LPCAT2: variants seen among roughly 807,000 people sequenced by gnomAD.
LPCAT2 encodes lysophosphatidylcholine acyltransferase 2.
A neutral mutation model predicts 64.7 loss-of-function variants in LPCAT2; 58 were observed. The ratio of observed to expected loss-of-function variants is 0.90; its 90% CI spans 0.73 to 1.12. The LOEUF is 1.12. Ranked by LOEUF, LPCAT2 falls within the 50% of genes most tolerant of loss-of-function variation. The pLI is 0.00. For missense variants in LPCAT2, 579 were observed against 669.8 expected (o/e 0.86, Z 1.50); for synonymous variants, 252 against 245.3 (o/e 1.03, Z -0.26).
chr16:55,582,155 C>T (rs1006497967), intron 13 of LPCAT2, among the ~76,000 whole-genome samples: 6 of 152,026 alleles, frequency 3.9e-5, no homozygotes, highest in Non-Finnish European at 7.4e-5. Flanking sequence ...TAAAGCACAA[C>T]GAAGTTTTAT....
chr16:55,523,069 TA>T (rs1464243679), intron 1 of LPCAT2, among the ~76,000 whole-genome samples: 2 of 151,834 alleles, frequency 1.3e-5, no homozygotes, highest in Non-Finnish European at 3.0e-5. Flanking sequence ...AGGGCTTGTA[TA>T]CATTTATATA....
chr16:55,540,943 G>A (rs2142391186), intron 8 of LPCAT2: 1 of 152,590 alleles, frequency 6.6e-6, no homozygotes, highest in African/African-American at 2.4e-5. Context: ...TGTGAATGTG[G>A]TCTCTCTCTC....
intron 11 of LPCAT2, among the ~76,000 whole-genome samples, chr16:55,560,597 T>C (rs957907815): frequency 6.6e-6 from 1 of 152,104 alleles, no homozygotes; most frequent in African/African-American, 2.4e-5. Context: ...ACAAGAATGA[T>C]GTTGCTGTCA....
At chr16:55,520,066 T>G (rs1963073626) in intron 1 of LPCAT2, among the ~76,000 whole-genome samples, 2 of 152,178 alleles carry the variant, frequency 1.3e-5, no homozygotes, top group African/African-American at 2.4e-5. Context: ...TAATTACATT[T>G]AGTATACATT....
rs1266544419 is a variant in LPCAT2 at position 55,586,560 on chromosome 16, A to C, written c.*3462A>C. On this transcript the variant is annotated 3_prime_UTR_variant, in exon 14 of 14. Transcript: ENST00000262134. Reference sequence around the variant, plus strand: ...TTCTTACATTTTCCAATGTCATTAAAATTCTCTGTGAATGTAAATTTTAAA... The same window carrying C: ...TTCTTACATTTTCCAATGTCATTAACATTCTCTGTGAATGTAAATTTTAAA... 1 of 127,092 alleles carries C rather than the reference A, an allele frequency of 7.9e-6. No homozygotes were observed. The highest frequency in any genetic ancestry group is 1.5e-5 in the Non-Finnish European group (1 of 67,452). The allele number at this position is 127,092 out of a possible 1,614,324, so 7.9% of individuals were successfully genotyped here.
At chr16:55,579,610 A>G (rs1502007) in intron 13 of LPCAT2, among the ~76,000 whole-genome samples, 95,105 of 152,030 alleles carry the variant, frequency 0.63, 31,590 homozygotes, top group African/African-American at 0.86. Context: ...AAACAGTTTG[A>G]CTTTGGAGCC....
At chr16:55,547,142 C>T (rs1963462688) in intron 9 of LPCAT2, among the ~76,000 whole-genome samples, 1 of 149,758 alleles carries the variant, frequency 6.7e-6, no homozygotes, top group Non-Finnish European at 1.5e-5. Flanking sequence ...AGTGAAACTC[C>T]GTCTCAAAAA....
At position 55,521,529 on chromosome 16, in the gene LPCAT2, G is replaced by T. The variant is rs189299267; in HGVS notation, c.172-3979G>T. On this transcript the variant is annotated intron_variant, in intron 1 of 13. Coordinates refer to ENST00000262134, the MANE Select transcript of LPCAT2 (RefSeq NM_017839.5). The stretch of plus-strand genomic sequence containing the variant: ...ATCTGAAAAAGACATTATAAGAAAA[G>T]AAAATTATAGATCAATATTCCTCAT... 1.8e-3 allele frequency among the ~76,000 whole-genome samples: 278 copies of T among 151,646 alleles called. 2 individuals carry two copies. The highest frequency in any genetic ancestry group is 6.2e-4 in the Non-Finnish European group (42 of 67,566).
Position 55,531,900 on chromosome 16 carries a change from C to A in LPCAT2, c.643-14C>A. ...ATTAGATTGAAATATTAAATCTATT[C>A]CTTTTTTCCCAAGATACTAGTTTTC... On this transcript the variant is annotated splice_polypyrimidine_tract_variant and intron_variant, in intron 4 of 13. Transcript: ENST00000262134. 1 of 1,508,338 alleles carries A rather than the reference C, an allele frequency of 6.6e-7. No individual in the cohort carries two copies. The highest frequency in any genetic ancestry group is 1.1e-5 in the South Asian group (1 of 87,846). 93.4% of individuals were successfully genotyped at this position (1,508,338 alleles called of 1,614,324 possible).
At chr16:55,559,499 A>T (rs1321564858) in intron 11 of LPCAT2, among the ~76,000 whole-genome samples, 2 of 152,142 alleles carry the variant, frequency 1.3e-5, no homozygotes, top group East Asian at 3.9e-4. Context: ...ATAATAACAA[A>T]CATCCTTGCC....
rs1226408258 is a variant in LPCAT2 at position 55,572,767 on chromosome 16, G to A, written c.1216-1864G>A. Among the ~76,000 whole-genome samples, 5 of 152,116 alleles carry A rather than the reference G, an allele frequency of 3.3e-5. No individual in the cohort carries two copies. In the East Asian group the frequency reaches 7.7e-4, roughly 23 times the overall value. On this transcript the variant is annotated intron_variant, in intron 11 of 13. Coordinates refer to ENST00000262134, the MANE Select transcript of LPCAT2 (RefSeq NM_017839.5). ...GACAAGGAGTTCAAGCCTGTAGTGC[G>A]CTTATGGTCATGCCTATGGATAGCC...
At chr16:55,544,559 A>G (rs1261053333) in intron 8 of LPCAT2, among the ~76,000 whole-genome samples, 3 of 152,240 alleles carry the variant, frequency 2.0e-5, no homozygotes, top group Non-Finnish European at 2.9e-5. Flanking sequence ...TAAAACACCT[A>G]GCATGATGCC....
chr16:55,577,405 T>C (rs1433237742), intron 12 of LPCAT2, among the ~76,000 whole-genome samples: 1 of 152,168 alleles, frequency 6.6e-6, no homozygotes, highest in East Asian at 1.9e-4. Context: ...ACTCTAGATA[T>C]TATCTGCCTG....
At chr16:55,547,306 G>A (rs1333896616) in intron 9 of LPCAT2, among the ~76,000 whole-genome samples, 1 of 152,126 alleles carries the variant, frequency 6.6e-6, no homozygotes, top group Non-Finnish European at 1.5e-5. Flanking sequence ...GAAAAACCTT[G>A]ATTAGCTGCA....
chr16:55,532,976 C>A, intron 6 of LPCAT2, 94 bp downstream of exon 6: 1 of 1,042,186 alleles, frequency 9.6e-7, no homozygotes, highest in Non-Finnish European at 1.4e-6. Context: ...AGGTTGTGAA[C>A]AGATAAATGG....
At chr16:55,522,428 T>C (rs1963110241) in intron 1 of LPCAT2, among the ~76,000 whole-genome samples, 1 of 151,744 alleles carries the variant, frequency 6.6e-6, no homozygotes, top group Admixed American at 6.6e-5. Context: ...AGATTCATTT[T>C]GAAATCTCAG....
At chr16:55,517,108 T>C (rs1963023758) in intron 1 of LPCAT2, among the ~76,000 whole-genome samples, 1 of 151,478 alleles carries the variant, frequency 6.6e-6, no homozygotes, top group Admixed American at 6.6e-5. Context: ...AACTGACAAA[T>C]ATTTGTCTGC....
intron 1 of LPCAT2, among the ~76,000 whole-genome samples, chr16:55,516,517 A>T (rs1186692178): frequency 1.3e-5 from 2 of 152,244 alleles, no homozygotes; most frequent in Non-Finnish European, 2.9e-5. Context: ...TATTACTATC[A>T]GATAAAATAG....
chr16:55,546,605 ATGTATG>A (rs1963456419), intron 9 of LPCAT2, among the ~76,000 whole-genome samples: 1 of 152,202 alleles, frequency 6.6e-6, no homozygotes. Context: ...ATATGTGTAT[ATGTATG>A]TGTCTCTATA....
Sources: gnomAD v4.1 joint callset for allele counts (sites outside exome capture counted in the v4.1 genomes callset) on GRCh38, gnomAD v4.1.1 for gene constraint, MANE v1.5 for transcripts, NCBI Gene and HGNC (gene_info 2026-07-23, HGNC 2026-07-21) for gene names.